ANKRD55: variants seen among roughly 807,000 people sequenced by gnomAD.
ANKRD55 encodes ankyrin repeat domain 55.
Under a neutral mutation model 60.6 loss-of-function variants are expected in ANKRD55, and 41 were observed. That is an observed-to-expected ratio of 0.68 (90% CI 0.53 to 0.88). The LOEUF (loss-of-function observed/expected upper bound fraction) is 0.88. Ranked by LOEUF, ANKRD55 falls within the 40% of genes least tolerant of loss-of-function variation. ANKRD55 has a pLI of 0.00. For synonymous variants in ANKRD55, 264 were observed against 290.3 expected (o/e 0.91, Z 0.92); for missense variants, 732 against 767.6 (o/e 0.95, Z 0.55).
chr5:56,158,102 A>G (rs568990508), intron 6 of ANKRD55, among the ~76,000 whole-genome samples: 1 of 152,140 alleles, frequency 6.6e-6, no homozygotes, highest in Admixed American at 6.5e-5. Context: ...AATTTCTTGA[A>G]TCTGGGAGGC....
intron 8 of ANKRD55, among the ~76,000 whole-genome samples, chr5:56,123,414 C>T (rs1201582936): frequency 6.6e-6 from 1 of 152,098 alleles, no homozygotes; most frequent in African/African-American, 2.4e-5. Flanking sequence ...CTAGAAGCAG[C>T]AATTTTATAA....
intron 3 of ANKRD55, among the ~76,000 whole-genome samples, chr5:56,178,740 T>C (rs1758792599): frequency 6.9e-6 from 1 of 144,848 alleles, no homozygotes; most frequent in Non-Finnish European, 1.5e-5. Flanking sequence ...GAAGATACTA[T>C]GTTTATGAAG....
chr5:56,136,925 A>G (rs921351977), intron 7 of ANKRD55: 2 of 423,176 alleles, frequency 4.7e-6, no homozygotes, highest in Non-Finnish European at 8.9e-6. Flanking sequence ...CTAAAATTAT[A>G]TAAGAATTCC....
chr5:56,106,159 T>TAACTCATATTATTTCTACCA (rs1756458908), intron 10 of ANKRD55, among the ~76,000 whole-genome samples: 1 of 152,192 alleles, frequency 6.6e-6, no homozygotes, highest in Non-Finnish European at 1.5e-5. Flanking sequence ...GCAGCACTAC[T>TAACTCATATTATTTCTACCA]AACTCATATT....
At chr5:56,162,167 T>C (rs1758349204) in intron 5 of ANKRD55, 1 of 323,214 alleles carries the variant, frequency 3.1e-6, no homozygotes, top group African/African-American at 2.3e-5. Flanking sequence ...AGATTATCTG[T>C]AGCCAGACAG....
At chr5:56,209,107 A>G (rs1324352905) in intron 2 of ANKRD55, among the ~76,000 whole-genome samples, 3 of 151,796 alleles carry the variant, frequency 2.0e-5, no homozygotes, top group African/African-American at 2.4e-5. Flanking sequence ...ACAGGCATGC[A>G]CTACCAATCT....
intron 2 of ANKRD55, among the ~76,000 whole-genome samples, chr5:56,211,059 A>G (rs1759659498): frequency 1.3e-5 from 2 of 152,172 alleles, no homozygotes; most frequent in Non-Finnish European, 2.9e-5. Flanking sequence ...ATTTGGGGGT[A>G]CAGCCAAAGG....
chr5:56,164,640 G>A (rs182350952), intron 5 of ANKRD55, among the ~76,000 whole-genome samples: 22 of 152,242 alleles, frequency 1.4e-4, no homozygotes, highest in South Asian at 6.2e-4. Flanking sequence ...CATGTGCAGC[G>A]TTGTACAAAC....
chr5:56,157,657 A>G (rs1312865604), intron 6 of ANKRD55, among the ~76,000 whole-genome samples: 1 of 152,242 alleles, frequency 6.6e-6, no homozygotes, highest in Non-Finnish European at 1.5e-5. Context: ...TCAAAAGCAC[A>G]GCACTTTTTT....
chr5:56,175,314 CA>C (rs1430936256), intron 4 of ANKRD55, among the ~76,000 whole-genome samples: 1 of 152,316 alleles, frequency 6.6e-6, no homozygotes, highest in East Asian at 1.9e-4. Context: ...GCAGCAATAG[CA>C]AATGCAAGCC....
At chr5:56,147,137 C>T (rs112496546) in intron 6 of ANKRD55, among the ~76,000 whole-genome samples, 15 of 152,100 alleles carry the variant, frequency 9.9e-5, no homozygotes, top group African/African-American at 3.6e-4. Context: ...TATATTCTAT[C>T]TCATAGAATC....
chr5:56,142,771 G>C (rs932242615), intron 7 of ANKRD55, among the ~76,000 whole-genome samples: 6 of 152,236 alleles, frequency 3.9e-5, no homozygotes, highest in African/African-American at 1.4e-4. Flanking sequence ...GGCAGCGATG[G>C]TGGCAGGGCA....
intron 9 of ANKRD55, among the ~76,000 whole-genome samples, chr5:56,112,116 GTGT>G (rs1756727479): frequency 6.6e-6 from 1 of 152,172 alleles, no homozygotes; most frequent in Non-Finnish European, 1.5e-5. Context: ...TTAGCTGAAA[GTGT>G]TGTTCTCACA....
At chr5:56,217,839 T>C (rs1039422785) in intron 2 of ANKRD55, among the ~76,000 whole-genome samples, 16 of 149,390 alleles carry the variant, frequency 1.1e-4, no homozygotes, top group African/African-American at 4.0e-4. Flanking sequence ...GAACTTGCAG[T>C]GAGCCGAGAT....
chr5:56,198,576 C>T (rs961523821), intron 2 of ANKRD55, among the ~76,000 whole-genome samples: 5 of 151,924 alleles, frequency 3.3e-5, no homozygotes, highest in Non-Finnish European at 5.9e-5. Context: ...TGAGCCACCG[C>T]GCCTAGCCAC....
chr5:56,128,653 T>C (rs1757336225), intron 7 of ANKRD55, among the ~76,000 whole-genome samples: 1 of 152,188 alleles, frequency 6.6e-6, no homozygotes, highest in African/African-American at 2.4e-5. Context: ...GTATTTACTG[T>C]GTGATCGTCT....
chr5:56,127,664 C>A (rs1757309356), intron 7 of ANKRD55: 4 of 687,388 alleles, frequency 5.8e-6, no homozygotes, highest in Non-Finnish European at 5.4e-6. Flanking sequence ...TGAGCAGAGG[C>A]TACAGTCTTG....
intron 3 of ANKRD55, among the ~76,000 whole-genome samples, chr5:56,180,340 T>C (rs1210312091): frequency 6.6e-6 from 1 of 152,216 alleles, no homozygotes. Context: ...GTAGTTGAAA[T>C]TGGGTATACT....
intron 2 of ANKRD55, among the ~76,000 whole-genome samples, chr5:56,210,373 G>A (rs971868987): frequency 2.6e-5 from 4 of 151,832 alleles, no homozygotes; most frequent in Non-Finnish European, 4.4e-5. Flanking sequence ...AGGAGACTGA[G>A]ACCACGGTGA....
Sources: allele counts gnomAD v4.1 joint callset (sites outside exome capture counted in the v4.1 genomes callset), GRCh38; gene constraint gnomAD v4.1.1; transcripts MANE v1.5; gene names NCBI Gene and HGNC (gene_info 2026-07-23, HGNC 2026-07-21).